Variants in CRACD observed in about 807,000 individuals in gnomAD.
CRACD encodes the protein capping protein inhibiting regulator of actin dynamics.
A neutral mutation model predicts 106.8 loss-of-function variants in CRACD; 56 were observed. The ratio of observed to expected loss-of-function variants is 0.52; its 90% CI spans 0.42 to 0.66. CRACD has a LOEUF of 0.66. Ranked by LOEUF, CRACD falls within the 30% of genes least tolerant of loss-of-function variation. The pLI is 0.00. For missense variants in CRACD, 1,730 were observed against 1,623.2 expected (o/e 1.07, Z -1.13); for synonymous variants, 754 against 670.8 (o/e 1.12, Z -1.92).
rs185582643 is a variant in CRACD at position 56,200,883 on chromosome 4, G to A, written c.-189+21453G>A. On this transcript the variant is annotated intron_variant, in intron 2 of 10. Coordinates refer to ENST00000682029, the MANE Select transcript of CRACD (RefSeq NM_001393381.1). Reference sequence around the variant, plus strand: ...TCATCTTTTAAAGTTTTGTAATTCCGTGTGTTCCAGTATATTCACGCAGTT... The same window carrying A: ...TCATCTTTTAAAGTTTTGTAATTCCATGTGTTCCAGTATATTCACGCAGTT... 5.3e-5 allele frequency among the ~76,000 whole-genome samples: 8 copies of A among 152,170 alleles called. No individual in the cohort carries two copies. In the East Asian group the frequency reaches 9.7e-4, roughly 18 times the overall value.
chr4:56,067,873 GCTGT>G (rs1437089641), intron 1 of CRACD, among the ~76,000 whole-genome samples: 3 of 152,288 alleles, frequency 2.0e-5, no homozygotes, highest in Non-Finnish European at 4.4e-5. Context: ...ACCGCGCCTG[GCTGT>G]CTACTTCATT....
chr4:56,207,745 CATATATATATAT>C (rs58423475), intron 2 of CRACD, among the ~76,000 whole-genome samples: 1,326 of 106,170 alleles, frequency 0.012, 39 homozygotes, highest in African/African-American at 0.043. Context: ...CTTGTTTTCT[CATATATATATAT>C]ATATATATAT....
At chr4:56,236,420 A>G (rs1739972143) in intron 2 of CRACD, among the ~76,000 whole-genome samples, 1 of 152,194 alleles carries the variant, frequency 6.6e-6, no homozygotes, top group African/African-American at 2.4e-5. Flanking sequence ...GTGGTACTTT[A>G]TTGTGGCAGC....
chr4:56,282,977 G>A (rs1242515463), intron 3 of CRACD, among the ~76,000 whole-genome samples: 1 of 152,192 alleles, frequency 6.6e-6, no homozygotes, highest in Non-Finnish European at 1.5e-5. Context: ...TGTGAGAGAT[G>A]GAGTAGTGTG....
chr4:56,125,389 G>A (rs1274726586), intron 1 of CRACD, among the ~76,000 whole-genome samples: 1 of 151,912 alleles, frequency 6.6e-6, no homozygotes, highest in Non-Finnish European at 1.5e-5. Context: ...TTATACTCAT[G>A]GATTTTAAAT....
intron 2 of CRACD, among the ~76,000 whole-genome samples, chr4:56,182,936 G>A (rs938137553): frequency 6.7e-6 from 1 of 148,264 alleles, no homozygotes; most frequent in African/African-American, 2.5e-5. Flanking sequence ...TCTTGCAATA[G>A]AATTAGGGGA....
chr4:56,240,961 C>T (rs570033497), intron 2 of CRACD, among the ~76,000 whole-genome samples: 4 of 152,292 alleles, frequency 2.6e-5, no homozygotes, highest in Admixed American at 6.5e-5. Flanking sequence ...TGCCCTGCCA[C>T]GCTGTCAGCA....
intron 1 of CRACD, among the ~76,000 whole-genome samples, chr4:56,142,042 A>C (rs970264915): frequency 7.9e-5 from 12 of 152,180 alleles, no homozygotes; most frequent in Non-Finnish European, 1.3e-4. Flanking sequence ...ATAGGTGTTC[A>C]TTGAAGAAAA....
chr4:56,301,050 A>G (rs1162502934), intron 4 of CRACD, among the ~76,000 whole-genome samples: 2 of 152,354 alleles, frequency 1.3e-5, no homozygotes, highest in East Asian at 3.9e-4. Flanking sequence ...CTTCCGCTGC[A>G]TGGATTCACA....
chr4:56,106,024 G>T (rs976586271), intron 1 of CRACD, among the ~76,000 whole-genome samples: 83 of 151,922 alleles, frequency 5.5e-4, no homozygotes, highest in African/African-American at 2.0e-3. Flanking sequence ...CTGCAAAGTG[G>T]CTGGGTGTGT....
chr4:56,316,098 CAGAAGA>C lies in CRACD; in HGVS notation c.2606_2611del (p.Lys869_Lys870del). On this transcript the variant is annotated inframe_deletion, in exon 8 of 11. Coordinates refer to ENST00000682029, the MANE Select transcript of CRACD (RefSeq NM_001393381.1). The stretch of plus-strand genomic sequence containing the variant: ...CTTCAACTGCGACCAACAGGCAGAA[CAGAAGA>C]AGAAGAAGAGGCACAGCAGCACCGG... 1.9e-6 allele frequency: 3 copies of C among 1,614,084 alleles called. No homozygotes were observed. The highest frequency in any genetic ancestry group is 2.5e-6 in the Non-Finnish European group (3 of 1,180,006).
intron 1 of CRACD, among the ~76,000 whole-genome samples, chr4:56,154,177 G>T (rs1245393678): frequency 6.6e-6 from 1 of 152,074 alleles, no homozygotes; most frequent in Admixed American, 6.6e-5. Flanking sequence ...ATTTAAATAT[G>T]ATTGTTGGCC....
intron 1 of CRACD, among the ~76,000 whole-genome samples, chr4:56,067,266 T>G (rs1732493824): frequency 1.3e-5 from 2 of 152,094 alleles, no homozygotes; most frequent in Admixed American, 6.5e-5. Context: ...GAAGAGGATT[T>G]ATTAGAGGTG....
intron 1 of CRACD, among the ~76,000 whole-genome samples, chr4:56,102,831 A>G (rs1218225881): frequency 6.6e-6 from 1 of 152,084 alleles, no homozygotes; most frequent in Non-Finnish European, 1.5e-5. Flanking sequence ...CTCCTTTCTC[A>G]ACAGGCACTG....
intron 1 of CRACD, among the ~76,000 whole-genome samples, chr4:56,127,081 G>A (rs1290712295): frequency 6.6e-6 from 1 of 152,120 alleles, no homozygotes; most frequent in African/African-American, 2.4e-5. Context: ...TCATGAGTAG[G>A]TTAGGTGCTC....
In CRACD at chr4:56,315,784, C is replaced by T. The variant is rs756158412; in HGVS notation, c.2282C>T (p.Pro761Leu). 1.9e-6 allele frequency: 3 copies of T among 1,614,218 alleles called. No homozygotes were observed. The highest frequency in any genetic ancestry group is 2.2e-5 in the South Asian group (2 of 91,088). ...CCCAGCGAAGAGACAGCCCCCCAGC[C>T]TCCTCCTGCTGGTGTTCGCGAGCTC... ...LGPSEETAPQ[P>L]PPAGVRELGK... The change falls in exon 8 of 11, where the codon CCT becomes CTT. Residue 761 changes from proline to leucine, a missense_variant. Coordinates refer to ENST00000682029, the MANE Select transcript of CRACD (RefSeq NM_001393381.1). The surrounding 1 kb of genome is among the most constrained non-coding windows in gnomAD (Gnocchi z 4.1).
intron 2 of CRACD, among the ~76,000 whole-genome samples, chr4:56,220,782 C>T (rs751564055): frequency 3.9e-5 from 6 of 152,076 alleles, no homozygotes; most frequent in Non-Finnish European, 8.8e-5. Context: ...GAACAAAGGA[C>T]TGTGGGCATA....
chr4:56,263,236 TAGGCAA>T (rs1388946221), intron 2 of CRACD, among the ~76,000 whole-genome samples: 1 of 152,164 alleles, frequency 6.6e-6, no homozygotes, highest in East Asian at 1.9e-4. Flanking sequence ...AGGAGTTCTC[TAGGCAA>T]AGGAGAAAGT....
At chr4:56,184,935 T>C (rs185572730) in intron 2 of CRACD, among the ~76,000 whole-genome samples, 1 of 152,284 alleles carries the variant, frequency 6.6e-6, no homozygotes, top group African/African-American at 2.4e-5. Context: ...AAGTGAACAA[T>C]TCAGTGGCAT....
Sources: allele counts gnomAD v4.1 joint callset (sites outside exome capture counted in the v4.1 genomes callset), GRCh38; gene constraint gnomAD v4.1.1; non-coding constraint Gnocchi (gnomAD v3.1); transcripts MANE v1.5; gene names NCBI Gene and HGNC (gene_info 2026-07-23, HGNC 2026-07-21).